The following GRM5 variants were observed in gnomAD, a reference collection of about 807,000 sequenced individuals.
GRM5 encodes metabotropic glutamate receptor 5.
In GRM5, 19 loss-of-function variants were observed where a neutral mutation model predicts 83.1. The ratio of observed to expected loss-of-function variants is 0.23; its 90% CI spans 0.16 to 0.34. The LOEUF is 0.34. GRM5 is among the 10% of genes least tolerant of loss of function. The probability of loss-of-function intolerance (pLI) is 1.00; values close to 1 mark genes in which losing one functional copy is unlikely to be tolerated. For synonymous variants in GRM5, 675 were observed against 633.6 expected (o/e 1.07, Z -0.98); for missense variants, 1,160 against 1,588.3 (o/e 0.73, Z 4.58).
At chr11:88,948,137 C>T (rs1167300884) in intron 2 of GRM5, among the ~76,000 whole-genome samples, 1 of 152,146 alleles carries the variant, frequency 6.6e-6, no homozygotes, top group Non-Finnish European at 1.5e-5. Flanking sequence ...TACATATTGG[C>T]TTTCTGTATG....
intron 2 of GRM5, among the ~76,000 whole-genome samples, chr11:88,939,324 T>C (rs1397473902): frequency 6.6e-6 from 1 of 151,822 alleles, no homozygotes; most frequent in Non-Finnish European, 1.5e-5. Context: ...TAATTTTTAA[T>C]CAAGTGATAC....
chr11:88,631,636 T>C (rs1437891514), intron 4 of GRM5, among the ~76,000 whole-genome samples: 1 of 152,184 alleles, frequency 6.6e-6, no homozygotes, highest in East Asian at 1.9e-4. Flanking sequence ...ATGGTGGAGC[T>C]GAATTTAACA....
rs532182185 is a variant in GRM5 at position 89,012,713 on chromosome 11, G to T, written c.661+34499C>A. 7.9e-5 allele frequency among the ~76,000 whole-genome samples: 12 copies of T among 152,260 alleles called. No individual in the cohort carries two copies. In the East Asian group the frequency reaches 2.3e-3, roughly 29 times the overall value. On this transcript the variant is annotated intron_variant, in intron 2 of 9. Coordinates refer to ENST00000305447, the MANE Select transcript of GRM5 (RefSeq NM_001143831.3). ...CTCGCAAAATTGAACAATATTTCAAGGCCCTACATTGACCAAACATTAACG... is the reference window on the plus strand; with the variant it reads ...CTCGCAAAATTGAACAATATTTCAATGCCCTACATTGACCAAACATTAACG...
intron 1 of GRM5, among the ~76,000 whole-genome samples, chr11:89,048,569 C>A (rs551620823): frequency 6.6e-6 from 1 of 152,274 alleles, no homozygotes; most frequent in South Asian, 2.1e-4. Flanking sequence ...ATAAAATTAT[C>A]TTTTCAAAAA....
intron 2 of GRM5, among the ~76,000 whole-genome samples, chr11:88,864,262 A>G: frequency 6.6e-6 from 1 of 151,234 alleles, no homozygotes. Context: ...GGTGCAATAG[A>G]AGAGGTTTCT....
intron 3 of GRM5, among the ~76,000 whole-genome samples, chr11:88,654,236 G>T (rs979741359): frequency 1.3e-5 from 2 of 152,052 alleles, no homozygotes; most frequent in African/African-American, 2.4e-5. Context: ...CTAGAGGAGA[G>T]TATAACAGAA....
At chr11:88,600,264 C>T (rs1937942519) in intron 5 of GRM5, among the ~76,000 whole-genome samples, 1 of 147,110 alleles carries the variant, frequency 6.8e-6, no homozygotes, top group Non-Finnish European at 1.5e-5. Context: ...CTTCCTCCTT[C>T]TTCCTCCTGC....
rs1945305138 is a variant in GRM5 at position 88,900,979 on chromosome 11, A to C, written c.662-50824T>G. ...TCCCATATTTGAAGTGATCTCTGTA[A>C]ATTTTGTTAAAGGTAAAGCAGGTCC... On this transcript the variant is annotated intron_variant, in intron 2 of 9. Coordinates refer to ENST00000305447, the MANE Select transcript of GRM5 (RefSeq NM_001143831.3). Among the ~76,000 whole-genome samples, 7 of 152,162 alleles carry C rather than the reference A, an allele frequency of 4.6e-5. No individual in the cohort carries two copies. The South Asian group carries it at 1.4e-3, about 32-fold the overall frequency.
intron 2 of GRM5, among the ~76,000 whole-genome samples, chr11:89,002,193 TA>T (rs1940403737): frequency 6.6e-6 from 1 of 152,182 alleles, no homozygotes; most frequent in Non-Finnish European, 1.5e-5. Context: ...AAGAAAAATG[TA>T]ACATGCCAAA....
chr11:88,704,273 T>C (rs990162867), intron 3 of GRM5, among the ~76,000 whole-genome samples: 3 of 151,992 alleles, frequency 2.0e-5, no homozygotes, highest in Non-Finnish European at 4.4e-5. Flanking sequence ...CAATAATCCA[T>C]AGCAGTACCT....
intron 7 of GRM5, among the ~76,000 whole-genome samples, chr11:88,574,972 T>C (rs914916418): frequency 4.2e-4 from 63 of 148,966 alleles, no homozygotes; most frequent in Non-Finnish European, 6.8e-4. Flanking sequence ...CTGTTAATTG[T>C]AACTTTTCTT....
intron 3 of GRM5, among the ~76,000 whole-genome samples, chr11:88,813,203 A>T (rs1943615215): frequency 6.6e-6 from 1 of 152,188 alleles, no homozygotes; most frequent in African/African-American, 2.4e-5. Flanking sequence ...AAATCTTTTA[A>T]ATACCGTCTT....
intron 8 of GRM5, among the ~76,000 whole-genome samples, chr11:88,529,973 G>A (rs765406148): frequency 2.0e-5 from 3 of 152,010 alleles, no homozygotes; most frequent in Non-Finnish European, 4.4e-5. Context: ...GGACATCCAA[G>A]TGGACATATT....
chr11:88,994,651 C>T (rs1459260725), intron 2 of GRM5, among the ~76,000 whole-genome samples: 5 of 145,504 alleles, frequency 3.4e-5, no homozygotes, highest in Admixed American at 2.7e-4. Context: ...TGTTGGTGTT[C>T]CTGGGATGAT....
At chr11:88,853,308 C>T (rs1944419267) in intron 2 of GRM5, among the ~76,000 whole-genome samples, 2 of 151,972 alleles carry the variant, frequency 1.3e-5, no homozygotes, top group East Asian at 3.8e-4. Context: ...TTGTTATCAA[C>T]TTTTACAATG....
rs1164604603 is a variant in GRM5 at position 88,716,194 on chromosome 11, C to T, written c.912-62791G>A. On this transcript the variant is annotated intron_variant, in intron 3 of 9. Transcript: ENST00000305447. The stretch of plus-strand genomic sequence containing the variant: ...AGCCCAAATTCTAAATGGTTCAGGC[C>T]AGATGTAGATTCCCTAGGTACTTGA... Among the ~76,000 whole-genome samples the T allele has an allele frequency of 2.0e-5, 3 of 151,880 alleles. No individual in the cohort carries two copies. In the East Asian group the frequency reaches 5.8e-4, roughly 29 times the overall value.
Position 88,822,795 on chromosome 11 carries a change from C to T in GRM5, c.911+27111G>A, listed in dbSNP as rs557098032. ...TCTCTCTCTCTTTCTCTCTCTCCTT[C>T]CCTCCCTTCCTCCTTCTCTCCCTCC... On this transcript the variant is annotated intron_variant, in intron 3 of 9. Coordinates refer to ENST00000305447, the MANE Select transcript of GRM5 (RefSeq NM_001143831.3). Among the ~76,000 whole-genome samples the T allele has an allele frequency of 9.2e-5, 14 of 151,936 alleles. 1 individual carries two copies. The South Asian group carries it at 2.9e-3, about 32-fold the overall frequency.
chr11:88,758,891 C>G (rs990502728), intron 3 of GRM5, among the ~76,000 whole-genome samples: 1 of 152,158 alleles, frequency 6.6e-6, no homozygotes, highest in Admixed American at 6.6e-5. Context: ...AACAGTAGAC[C>G]TCTCAGCAGA....
At chr11:88,710,794 G>C (rs1941264774) in intron 3 of GRM5, among the ~76,000 whole-genome samples, 3 of 151,906 alleles carry the variant, frequency 2.0e-5, no homozygotes, top group African/African-American at 7.3e-5. Flanking sequence ...GAAGAAACAG[G>C]ATACGTAAAA....
Sources: allele counts gnomAD v4.1 joint callset (sites outside exome capture counted in the v4.1 genomes callset), GRCh38; gene constraint gnomAD v4.1.1; transcripts MANE v1.5; gene names NCBI Gene and HGNC (gene_info 2026-07-23, HGNC 2026-07-21).